Variants in PTPRD observed in about 807,000 individuals in gnomAD.
PTPRD encodes the protein protein tyrosine phosphatase receptor type D.
Under a neutral mutation model 214.5 loss-of-function variants are expected in PTPRD, and 34 were observed. The observed-to-expected ratio is 0.16, with a 90% CI of 0.12 to 0.21. The LOEUF (loss-of-function observed/expected upper bound fraction) is 0.21. PTPRD is among the 10% of genes least tolerant of loss of function. The probability of loss-of-function intolerance (pLI) is 1.00; values close to 1 mark genes in which losing one functional copy is unlikely to be tolerated. For missense variants in PTPRD, 2,545 were observed against 2,398.7 expected (o/e 1.06, Z -1.27); for synonymous variants, 1,128 against 845.7 (o/e 1.33, Z -5.79).
chr9:9,324,436 AC>A (rs1210339870), intron 9 of PTPRD, among the ~76,000 whole-genome samples: 1 of 152,098 alleles, frequency 6.6e-6, no homozygotes, highest in Non-Finnish European at 1.5e-5. Context: ...TTCTCTGATG[AC>A]CAGTGATGAT....
intron 4 of PTPRD, among the ~76,000 whole-genome samples, chr9:9,969,994 T>C (rs1212236763): frequency 1.3e-5 from 2 of 152,160 alleles, no homozygotes; most frequent in Non-Finnish European, 2.9e-5. Context: ...TCTGGAGAAC[T>C]GTCATTCAGT....
chr9:9,277,685 C>A (rs945567425), intron 9 of PTPRD, among the ~76,000 whole-genome samples: 1 of 151,098 alleles, frequency 6.6e-6, no homozygotes, highest in African/African-American at 2.4e-5. Flanking sequence ...CTGGAAAAGC[C>A]CCTGGTCCAG....
chr9:8,940,495 G>T (rs1367911006), intron 11 of PTPRD, among the ~76,000 whole-genome samples: 1 of 121,792 alleles, frequency 8.2e-6, no homozygotes, highest in African/African-American at 3.1e-5. Flanking sequence ...GTTTCACCAT[G>T]TTGGCCAGGC....
intron 3 of PTPRD, among the ~76,000 whole-genome samples, chr9:10,308,226 G>C (rs1371052069): frequency 6.6e-6 from 1 of 151,832 alleles, no homozygotes; most frequent in Non-Finnish European, 1.5e-5. Flanking sequence ...AATCTATTTT[G>C]AGTTGACTTT....
chr9:10,577,964 T>G (rs1591346464), intron 2 of PTPRD, among the ~76,000 whole-genome samples: 2 of 150,312 alleles, frequency 1.3e-5, no homozygotes, highest in South Asian at 4.2e-4. Context: ...CAGGCTGGAG[T>G]GCAATGGCGT....
intron 2 of PTPRD, among the ~76,000 whole-genome samples, chr9:10,566,094 T>G (rs1192328433): frequency 6.6e-6 from 1 of 152,038 alleles, no homozygotes; most frequent in African/African-American, 2.4e-5. Context: ...TCATCAATTT[T>G]GTTGGGAGTC....
chr9:9,547,985 A>G (rs892195496), intron 8 of PTPRD, among the ~76,000 whole-genome samples: 19 of 152,118 alleles, frequency 1.2e-4, no homozygotes, highest in African/African-American at 4.3e-4. Flanking sequence ...GACAAAGGAC[A>G]ATGAAACAAA....
At chr9:8,807,909 A>T (rs534509618) in intron 11 of PTPRD, among the ~76,000 whole-genome samples, 1 of 152,338 alleles carries the variant, frequency 6.6e-6, no homozygotes, top group East Asian at 1.9e-4. Flanking sequence ...GAGAATCTGT[A>T]TTCCACTGAA....
At chr9:9,371,268 T>C (rs1170253990) in intron 9 of PTPRD, among the ~76,000 whole-genome samples, 3 of 152,136 alleles carry the variant, frequency 2.0e-5, no homozygotes, top group African/African-American at 7.2e-5. Context: ...GGTAAGGTAT[T>C]AATTATTGCC....
intron 10 of PTPRD, among the ~76,000 whole-genome samples, chr9:9,072,784 T>G (rs938766860): frequency 6.6e-6 from 1 of 152,168 alleles, no homozygotes; most frequent in African/African-American, 2.4e-5. Context: ...TTTTAAACAC[T>G]ATGTTAGAAT....
At chr9:10,018,538 CTTTTTTTTTTTT>C (rs71321214) in intron 4 of PTPRD, among the ~76,000 whole-genome samples, 4 of 71,094 alleles carry the variant, frequency 5.6e-5, no homozygotes, top group South Asian at 7.4e-4. Context: ...AATTACATTT[CTTTTTTTTTTTT>C]TTTTTTTTTT....
At chr9:10,383,997 AGAG>A (rs1454051818) in intron 2 of PTPRD, among the ~76,000 whole-genome samples, 1 of 151,116 alleles carries the variant, frequency 6.6e-6, no homozygotes, top group African/African-American at 2.4e-5. Context: ...ATGAAGACAG[AGAG>A]GAGAAGGATG....
chr9:9,993,830 A>T (rs531864335), intron 4 of PTPRD, among the ~76,000 whole-genome samples: 4 of 152,298 alleles, frequency 2.6e-5, no homozygotes, highest in Admixed American at 1.3e-4. Flanking sequence ...GCTTTTCTCC[A>T]CCAATGAGAT....
chr9:8,538,830 TTCTAAATA>T (rs1364641043), intron 14 of PTPRD, among the ~76,000 whole-genome samples: 1 of 151,896 alleles, frequency 6.6e-6, no homozygotes, highest in Non-Finnish European at 1.5e-5. Context: ...AGATCTTGGT[TTCTAAATA>T]CCATTCTCCA....
At position 8,317,326 on chromosome 9, in the gene PTPRD, G is replaced by GTT. The variant is rs1315720510; in HGVS notation, c.*546_*547dup. ...ATTTTGTTAAAAAAAAGTTTACACAGTTAGAAATGAAGCACAGGTCAGCAG... is the reference window on the plus strand; with the variant it reads ...ATTTTGTTAAAAAAAAGTTTACACAGTTTTAGAAATGAAGCACAGGTCAGCAG... On this transcript the variant is annotated 3_prime_UTR_variant, in exon 46 of 46. Coordinates refer to ENST00000381196, the MANE Select transcript of PTPRD (RefSeq NM_002839.4). The GTT allele has an allele frequency of 4.3e-6, 1 of 232,240 alleles. No individual in the cohort carries two copies. The highest frequency in any genetic ancestry group is 8.5e-6 in the Non-Finnish European group (1 of 117,234). The allele number at this position is 232,240 out of a possible 1,614,324, so 14.4% of individuals were successfully genotyped here. A position where few individuals can be genotyped will look rare whatever the true frequency, so the allele number is the denominator to read the frequency against.
At chr9:9,696,754 TCAGA>T (rs1311310328) in intron 7 of PTPRD, among the ~76,000 whole-genome samples, 10 of 152,208 alleles carry the variant, frequency 6.6e-5, no homozygotes, top group Admixed American at 1.3e-4. Flanking sequence ...CTTTATTCGT[TCAGA>T]CACTCTTTGC....
At chr9:10,264,824 G>T (rs189879315) in intron 3 of PTPRD, among the ~76,000 whole-genome samples, 1 of 152,104 alleles carries the variant, frequency 6.6e-6, no homozygotes, top group South Asian at 2.1e-4. Flanking sequence ...TTGAATTATA[G>T]CTCCCATAAT....
intron 8 of PTPRD, among the ~76,000 whole-genome samples, chr9:9,419,437 C>A (rs1321919924): frequency 6.6e-6 from 1 of 151,478 alleles, no homozygotes; most frequent in African/African-American, 2.4e-5. Context: ...ATTTTAGTTA[C>A]TTGATAAGTG....
intron 10 of PTPRD, among the ~76,000 whole-genome samples, chr9:9,125,909 G>C (rs1342816599): frequency 6.6e-6 from 1 of 152,190 alleles, no homozygotes; most frequent in African/African-American, 2.4e-5. Context: ...AAACATGAAA[G>C]AAATGGAGCC....
Sources: gnomAD v4.1 joint callset for allele counts (sites outside exome capture counted in the v4.1 genomes callset) on GRCh38, gnomAD v4.1.1 for gene constraint, MANE v1.5 for transcripts, NCBI Gene and HGNC (gene_info 2026-07-23, HGNC 2026-07-21) for gene names.